The following REC114 variants were observed in gnomAD, a reference collection of about 807,000 sequenced individuals.
The protein encoded by REC114 is meiotic recombination protein REC114.
Under a neutral mutation model 31.3 loss-of-function variants are expected in REC114, and 27 were observed. That is an observed-to-expected ratio of 0.86 (90% CI 0.64 to 1.19). The LOEUF (loss-of-function observed/expected upper bound fraction) is 1.19, where lower values mean the gene tolerates loss of function less well. Among genes scored for constraint, REC114 ranks in the 50% most tolerant of loss-of-function variants. The pLI, the probability that REC114 is intolerant of heterozygous loss-of-function variation, is 0.00. For synonymous variants in REC114, 134 were observed against 127.7 expected, an observed-to-expected ratio of 1.05 and a Z score of -0.33; for missense variants, 344 against 326.9, an observed-to-expected ratio of 1.05 and a Z score of -0.40.
At chr15:73,557,062 ATTT>A (rs56187612) in intron 5 of REC114, among the ~76,000 whole-genome samples, 26 of 137,100 alleles carry the variant, frequency 1.9e-4, no homozygotes, top group South Asian at 2.3e-4. Flanking sequence ...TTCAAGTATG[ATTT>A]TTTTTTTTTT....
intron 1 of REC114, among the ~76,000 whole-genome samples, chr15:73,462,166 G>C (rs1316702947): frequency 6.6e-6 from 1 of 151,714 alleles, no homozygotes. Context: ...TCCTGACCTT[G>C]TGATCCACCC....
chr15:73,517,699 C>T (rs1893879196), intron 2 of REC114, among the ~76,000 whole-genome samples: 2 of 152,194 alleles, frequency 1.3e-5, no homozygotes, highest in Non-Finnish European at 1.5e-5. Context: ...TTGAGACACT[C>T]AAGCAGGGAT....
intron 2 of REC114, among the ~76,000 whole-genome samples, chr15:73,516,385 C>T (rs1324004008): frequency 6.6e-6 from 1 of 152,042 alleles, no homozygotes; most frequent in South Asian, 2.1e-4. Context: ...GAAAATAACC[C>T]ACCAAGAACT....
Position 73,518,567 on chromosome 15 carries a change from G to C in REC114, c.250-21918G>C, listed in dbSNP as rs575432701. 5.3e-5 allele frequency among the ~76,000 whole-genome samples: 8 copies of C among 152,320 alleles called. No individual in the cohort carries two copies. The South Asian group carries it at 1.7e-3, about 32-fold the overall frequency. On this transcript the variant is annotated intron_variant, in intron 2 of 5. Transcript: ENST00000331090. ...TAATTACTTTGGTCAGAAGTAATTA[G>C]ATATGCTGACAGGCCAGGCCTGAAT...
intron 2 of REC114, among the ~76,000 whole-genome samples, chr15:73,532,308 A>G (rs546888040): frequency 0.03 from 4,439 of 147,830 alleles, 243 homozygotes; most frequent in African/African-American, 0.11. Flanking sequence ...TACAAAGGAC[A>G]TGAACTCATC....
intron 2 of REC114, among the ~76,000 whole-genome samples, chr15:73,510,837 C>A (rs1304858737): frequency 6.6e-6 from 1 of 151,480 alleles, no homozygotes; most frequent in Admixed American, 6.6e-5. Flanking sequence ...CTGCTGGATT[C>A]GTTTTGCCAG....
In REC114 at chr15:73,461,933, T is replaced by C. The variant is rs555597140; in HGVS notation, c.160-11899T>C. Among the ~76,000 whole-genome samples the C allele has an allele frequency of 3.0e-4, 43 of 141,460 alleles. No homozygotes were observed. The East Asian group carries it at 5.1e-3, about 17-fold the overall frequency. 92.8% of individuals were successfully genotyped at this position (141,460 alleles called of 152,430 possible). Reference sequence around the variant, plus strand: ...TTTCTTTTTCTTTTCTTTTTTTTTTTTTTTTTTTTTTTTTTAAAGACAGAG... The same window carrying C: ...TTTCTTTTTCTTTTCTTTTTTTTTTCTTTTTTTTTTTTTTTAAAGACAGAG... On this transcript the variant is annotated intron_variant, in intron 1 of 5. Coordinates refer to ENST00000331090, the MANE Select transcript of REC114 (RefSeq NM_001042367.2).
At chr15:73,509,248 G>A (rs944670546) in intron 2 of REC114, among the ~76,000 whole-genome samples, 7 of 149,184 alleles carry the variant, frequency 4.7e-5, no homozygotes, top group Non-Finnish European at 1.0e-4. Flanking sequence ...GTCTTCTTTT[G>A]AGAAGTGTCT....
intron 1 of REC114, among the ~76,000 whole-genome samples, chr15:73,470,417 T>C (rs1893118159): frequency 6.6e-6 from 1 of 152,214 alleles, no homozygotes; most frequent in Admixed American, 6.5e-5. Context: ...GGACTTCCTT[T>C]CACATTTCTT....
chr15:73,517,560 G>A (rs1893876769), intron 2 of REC114, among the ~76,000 whole-genome samples: 1 of 152,182 alleles, frequency 6.6e-6, no homozygotes, highest in Non-Finnish European at 1.5e-5. Flanking sequence ...GAAGTTTCTG[G>A]TTTATGCAAC....
chr15:73,560,009 C>CCAAA (rs1263952853), exon 6 of REC114: 6 of 1,184,694 alleles, frequency 5.1e-6, no homozygotes, highest in East Asian at 5.5e-5. Flanking sequence ...AGAGTATTAT[C>CCAAA]CAAACACCTT....
intron 2 of REC114, among the ~76,000 whole-genome samples, chr15:73,491,984 A>G (rs2141303246): frequency 6.6e-6 from 1 of 152,234 alleles, no homozygotes; most frequent in East Asian, 1.9e-4. Flanking sequence ...TCTTGCTAAC[A>G]GTGGTACTGT....
chr15:73,520,754 T>A (rs576552388), intron 2 of REC114, among the ~76,000 whole-genome samples: 2 of 152,354 alleles, frequency 1.3e-5, no homozygotes, highest in Admixed American at 6.5e-5. Context: ...CCATTTGTGT[T>A]ATCAGTAACT....
rs565617047 is a variant in REC114, at chr15:73,528,677, G to A, written c.250-11808G>A. ...TTTTGTGAATTATGAAAATTGCAGC[G>A]TTCATAAAAAGGTTTTGTTGGAACA... On this transcript the variant is annotated intron_variant, in intron 2 of 5. Coordinates refer to ENST00000331090, the MANE Select transcript of REC114 (RefSeq NM_001042367.2). Among the ~76,000 whole-genome samples, 102 of 152,272 alleles carry A rather than the reference G, an allele frequency of 6.7e-4. 1 individual carries two copies. The South Asian group carries it at 7.2e-3, about 11-fold the overall frequency.
intron 2 of REC114, among the ~76,000 whole-genome samples, chr15:73,501,407 G>A (rs1288689425): frequency 6.6e-6 from 1 of 152,140 alleles, no homozygotes; most frequent in Non-Finnish European, 1.5e-5. Flanking sequence ...GGTGATAAGA[G>A]TTTATCCTGT....
At chr15:73,530,840 G>T (rs1025759514) in intron 2 of REC114, among the ~76,000 whole-genome samples, 16 of 151,976 alleles carry the variant, frequency 1.1e-4, no homozygotes, top group Admixed American at 3.9e-4. Context: ...TTAAGCCAGG[G>T]TCTAATTTTT....
intron 1 of REC114, among the ~76,000 whole-genome samples, 196 bp downstream of exon 1, chr15:73,443,540 CT>C (rs1188561872): frequency 6.6e-6 from 1 of 152,202 alleles, no homozygotes; most frequent in Non-Finnish European, 1.5e-5. Flanking sequence ...GGTTGGAACC[CT>C]TTACAGTCTC....
At chr15:73,482,425 T>C (rs1340238096) in intron 2 of REC114, among the ~76,000 whole-genome samples, 1 of 152,216 alleles carries the variant, frequency 6.6e-6, no homozygotes, top group Non-Finnish European at 1.5e-5. Context: ...TCTGCCATGA[T>C]TGGGAGCTTC....
In REC114 at chr15:73,535,324, C is replaced by T. The variant is rs556005410; in HGVS notation, c.250-5161C>T. ...ATCTCTTTAAGCTGATAAGCAACTT[C>T]AGCAAAGTCTCAGGATACAAAATCA... is the stretch of plus-strand genomic sequence containing the variant. On this transcript the variant is annotated intron_variant, in intron 2 of 5. Transcript: ENST00000331090. Among the ~76,000 whole-genome samples the T allele has an allele frequency of 8.0e-3, 1,216 of 152,222 alleles. 8 individuals carry two copies. The highest frequency in any genetic ancestry group is 0.027 in the African/African-American group (1,109 of 41,508).
Sources: allele counts gnomAD v4.1 joint callset (sites outside exome capture counted in the v4.1 genomes callset), GRCh38; gene constraint gnomAD v4.1.1; transcripts MANE v1.5; gene names NCBI Gene and HGNC (gene_info 2026-07-23, HGNC 2026-07-21).